LINGO2: variants seen among roughly 807,000 people sequenced by gnomAD.
LINGO2 encodes leucine-rich repeat and immunoglobulin-like domain-containing nogo receptor-interacting protein 2.
Under a neutral mutation model 30.6 loss-of-function variants are expected in LINGO2, and 14 were observed. The observed-to-expected ratio is 0.46, with a 90% CI of 0.30 to 0.72. The LOEUF (loss-of-function observed/expected upper bound fraction) is 0.72. Among genes scored for constraint, LINGO2 ranks in the 30% least tolerant of loss-of-function variants. LINGO2 has a pLI of 0.07. For missense variants in LINGO2, 729 were observed against 751.7 expected (o/e 0.97, Z 0.35); for synonymous variants, 317 against 288.5 (o/e 1.10, Z -1.00).
At chr9:28,611,138 T>A (rs1327869185) in intron 1 of LINGO2, among the ~76,000 whole-genome samples, 1 of 152,170 alleles carries the variant, frequency 6.6e-6, no homozygotes, top group Non-Finnish European at 1.5e-5. Context: ...ATTCCTTTTG[T>A]CTTCAAATAC....
chr9:28,330,278 A>C (rs1463312578), intron 3 of LINGO2, among the ~76,000 whole-genome samples: 2 of 152,122 alleles, frequency 1.3e-5, no homozygotes, highest in South Asian at 2.1e-4. Flanking sequence ...GTGAGAAATA[A>C]ATTTCTGTTG....
chr9:28,901,756 TCA>T, the LINGO2 span, among the ~76,000 whole-genome samples: 43 of 149,930 alleles, frequency 2.9e-4, no homozygotes, highest in African/African-American at 1.0e-3. Context: ...GAGAAAATAA[TCA>T]CAAAGAAAGA....
At chr9:28,253,992 A>C (rs1822297219) in intron 4 of LINGO2, among the ~76,000 whole-genome samples, 1 of 152,040 alleles carries the variant, frequency 6.6e-6, no homozygotes, top group Non-Finnish European at 1.5e-5. Context: ...CTTGTTCAGG[A>C]GAGAGTCCTT....
the LINGO2 span, among the ~76,000 whole-genome samples, chr9:28,944,101 G>A: frequency 6.6e-6 from 1 of 152,142 alleles, no homozygotes; most frequent in East Asian, 1.9e-4. Flanking sequence ...GGCAGTAAGC[G>A]AGACTTCTTC....
chr9:28,577,444 G>A (rs1454134228), intron 1 of LINGO2, among the ~76,000 whole-genome samples: 1 of 151,974 alleles, frequency 6.6e-6, no homozygotes, highest in Non-Finnish European at 1.5e-5. Flanking sequence ...CCTTATGATT[G>A]CATTCCCCAA....
At chr9:28,906,668 T>C in the LINGO2 span, among the ~76,000 whole-genome samples, 1 of 151,836 alleles carries the variant, frequency 6.6e-6, no homozygotes, top group South Asian at 2.1e-4. Flanking sequence ...TAGAAAGAAA[T>C]ATAAAATGAA....
chr9:29,162,950 T>G, the LINGO2 span, among the ~76,000 whole-genome samples: 1 of 152,134 alleles, frequency 6.6e-6, no homozygotes, highest in African/African-American at 2.4e-5. Flanking sequence ...GTTTCACTGT[T>G]CTTACAGACT....
chr9:28,503,680 T>C (rs1328705100), intron 1 of LINGO2, among the ~76,000 whole-genome samples: 6 of 152,020 alleles, frequency 3.9e-5, no homozygotes, highest in Admixed American at 1.3e-4. Flanking sequence ...TGTTAGACAT[T>C]ATTCTTTGAA....
chr9:28,640,178 G>T lies in LINGO2; in HGVS notation c.-365+30022C>A, dbSNP rs141217213. Among the ~76,000 whole-genome samples, 664 of 152,148 alleles carry T rather than the reference G, an allele frequency of 4.4e-3. 5 individuals are homozygous for T. Among genetic ancestry groups the T allele is most frequent in the African/African-American group, 0.015 (637 of 41,512 alleles). On this transcript the variant is annotated intron_variant, in intron 1 of 5. Transcript: ENST00000379992. The stretch of plus-strand genomic sequence containing the variant: ...CTCTCTTCTGGCTTGTAGAGTTTCT[G>T]CCAAGAGATCAGCTGTTAGTCTGAT...
At chr9:29,107,433 T>A in the LINGO2 span, among the ~76,000 whole-genome samples, 1 of 152,144 alleles carries the variant, frequency 6.6e-6, no homozygotes, top group African/African-American at 2.4e-5. Flanking sequence ...AGTTAAGGCT[T>A]TGGAGTCACC....
At chr9:28,194,118 T>G (rs1384150462) in intron 4 of LINGO2, among the ~76,000 whole-genome samples, 1 of 152,138 alleles carries the variant, frequency 6.6e-6, no homozygotes, top group East Asian at 1.9e-4. Flanking sequence ...CAAAAGGGGA[T>G]TGTTGAAGTC....
chr9:28,936,815 T>C, the LINGO2 span, among the ~76,000 whole-genome samples: 2 of 152,196 alleles, frequency 1.3e-5, no homozygotes, highest in South Asian at 2.1e-4. Context: ...TAACGATATA[T>C]CACAGACTGG....
At chr9:28,053,118 T>C (rs553013680) in intron 4 of LINGO2, among the ~76,000 whole-genome samples, 1 of 152,002 alleles carries the variant, frequency 6.6e-6, no homozygotes, top group Non-Finnish European at 1.5e-5. Context: ...CCATAAGGTA[T>C]AATGAGAGTC....
At chr9:28,123,398 C>A (rs983088950) in intron 4 of LINGO2, among the ~76,000 whole-genome samples, 2 of 152,168 alleles carry the variant, frequency 1.3e-5, no homozygotes, top group Non-Finnish European at 2.9e-5. Flanking sequence ...TCTACCTGGT[C>A]AGCAGTGTCT....
intron 1 of LINGO2, among the ~76,000 whole-genome samples, chr9:28,482,481 T>C (rs979880276): frequency 3.9e-5 from 6 of 152,146 alleles, no homozygotes; most frequent in African/African-American, 1.4e-4. Context: ...GTTTGTTTTT[T>C]TCTTGTAAAT....
In LINGO2 at chr9:28,469,556, T is replaced by C. The variant is rs545268501; in HGVS notation, c.-279+6384A>G. On this transcript the variant is annotated intron_variant, in intron 2 of 5. Coordinates refer to ENST00000379992, the Ensembl canonical transcript of LINGO2. Reference sequence around the variant, plus strand: ...GAAGGCCAAAAACAGGGAGAGAATATTGAAAGCGGCAAGAGAAAGAACATT... The same window carrying C: ...GAAGGCCAAAAACAGGGAGAGAATACTGAAAGCGGCAAGAGAAAGAACATT... Among the ~76,000 whole-genome samples the C allele has an allele frequency of 6.6e-5, 10 of 152,128 alleles. No individual in the cohort carries two copies. In the East Asian group the frequency reaches 1.9e-3, roughly 29 times the overall value.
chr9:28,664,015 TATGAG>T (rs1455114139), intron 1 of LINGO2, among the ~76,000 whole-genome samples: 6 of 152,156 alleles, frequency 3.9e-5, no homozygotes, highest in African/African-American at 1.4e-4. Context: ...CTATAGATAA[TATGAG>T]ATATTTGGTA....
At chr9:28,898,876 G>A in the LINGO2 span, among the ~76,000 whole-genome samples, 2 of 152,038 alleles carry the variant, frequency 1.3e-5, no homozygotes, top group Non-Finnish European at 2.9e-5. Flanking sequence ...CATGACATGA[G>A]TTTACCTATA....
At chr9:27,959,363 A>T (rs1485654371) in intron 5 of LINGO2, among the ~76,000 whole-genome samples, 1 of 152,002 alleles carries the variant, frequency 6.6e-6, no homozygotes, top group Non-Finnish European at 1.5e-5. Flanking sequence ...TTAATTTTGG[A>T]CCTTTCTTCT....
Sources: allele counts gnomAD v4.1 joint callset (sites outside exome capture counted in the v4.1 genomes callset), GRCh38; gene constraint gnomAD v4.1.1; transcripts MANE v1.5; gene names NCBI Gene and HGNC (gene_info 2026-07-23, HGNC 2026-07-21).